The following CELF2 variants were observed in gnomAD, a reference collection of about 807,000 sequenced individuals.
CELF2 encodes the protein CUGBP Elav-like family member 2.
Under a neutral mutation model 62.6 loss-of-function variants are expected in CELF2, and 8 were observed. That is an observed-to-expected ratio of 0.13 (90% CI 0.07 to 0.23). CELF2 has a LOEUF of 0.23. CELF2 is among the 10% of genes least tolerant of loss of function. CELF2 has a pLI of 1.00. For missense variants in CELF2, 333 were observed against 671.0 expected (o/e 0.50, Z 5.56); for synonymous variants, 258 against 250.0 (o/e 1.03, Z -0.30).
chr10:10,704,630 C>T, the CELF2 span, among the ~76,000 whole-genome samples: 55 of 152,166 alleles, frequency 3.6e-4, no homozygotes, highest in Non-Finnish European at 4.3e-4. Flanking sequence ...TGGAGTCTCC[C>T]GTTTCTCTAG....
chr10:10,878,091 T>C (rs911678880), intron 1 of CELF2, among the ~76,000 whole-genome samples: 2 of 152,172 alleles, frequency 1.3e-5, no homozygotes, highest in Non-Finnish European at 2.9e-5. Flanking sequence ...AAGCTTGGGA[T>C]TGCTCGCCCG....
chr10:10,515,737 G>C, the CELF2 span, among the ~76,000 whole-genome samples: 1 of 152,334 alleles, frequency 6.6e-6, no homozygotes, highest in East Asian at 1.9e-4. Context: ...ATTGCCTCCT[G>C]TATCGCCATT....
intron 1 of CELF2, among the ~76,000 whole-genome samples, chr10:10,838,459 T>C (rs1200058743): frequency 6.6e-6 from 1 of 152,252 alleles, no homozygotes; most frequent in Non-Finnish European, 1.5e-5. Flanking sequence ...TGGGGAATTA[T>C]GCTTCACCTA....
chr10:10,871,009 C>T (rs1382551823), intron 1 of CELF2, among the ~76,000 whole-genome samples: 1 of 152,072 alleles, frequency 6.6e-6, no homozygotes, highest in Non-Finnish European at 1.5e-5. Flanking sequence ...AGAGCAACTC[C>T]CTGCTGTTGC....
At chr10:11,216,314 C>T (rs1160576377) in intron 2 of CELF2, among the ~76,000 whole-genome samples, 1 of 152,118 alleles carries the variant, frequency 6.6e-6, no homozygotes, top group African/African-American at 2.4e-5. Flanking sequence ...TTTATTTTCC[C>T]CCTGAAATGG....
chr10:11,307,653 T>C (rs1000202548), intron 9 of CELF2, among the ~76,000 whole-genome samples: 2 of 152,118 alleles, frequency 1.3e-5, no homozygotes, highest in African/African-American at 4.8e-5. Context: ...AAACAGAAGG[T>C]TGGGGAGATG....
intron 4 of CELF2, among the ~76,000 whole-genome samples, chr10:11,250,530 G>A (rs950164589): frequency 5.9e-5 from 9 of 152,234 alleles, no homozygotes; most frequent in East Asian, 1.9e-4. Flanking sequence ...AGTGAGCCAC[G>A]CCACTCCTGT....
the CELF2 span, among the ~76,000 whole-genome samples, chr10:10,508,302 C>T: frequency 0.022 from 3,393 of 152,318 alleles, 65 homozygotes; most frequent in Non-Finnish European, 0.032. Context: ...CACTGAGTGA[C>T]TCGCAATACT....
At chr10:11,169,412 A>G (rs1413614063) in intron 2 of CELF2, among the ~76,000 whole-genome samples, 1 of 152,222 alleles carries the variant, frequency 6.6e-6, no homozygotes, top group African/African-American at 2.4e-5. Context: ...AATCTTGAAA[A>G]CAGTCTTAGG....
intron 2 of CELF2, among the ~76,000 whole-genome samples, chr10:11,186,295 G>GCTTTTTTTTTTTTTTTTTT (rs2074869797): frequency 1.1e-5 from 1 of 87,426 alleles, no homozygotes. Flanking sequence ...TGGTTTTGTT[G>GCTTTTTTTTTTTTTTTTTT]CTTTTTTTTT....
intron 1 of CELF2, among the ~76,000 whole-genome samples, chr10:11,057,023 C>T (rs1554806352): frequency 1.3e-5 from 2 of 152,096 alleles, no homozygotes; most frequent in Non-Finnish European, 2.9e-5. Flanking sequence ...AAATGAATTC[C>T]AGGTTGGTAG....
chr10:10,690,802 C>G, the CELF2 span, among the ~76,000 whole-genome samples: 1 of 152,162 alleles, frequency 6.6e-6, no homozygotes, highest in Non-Finnish European at 1.5e-5. Context: ...ATCACTTGAA[C>G]TGGGGAGGCA....
chr10:10,746,627 A>T, the CELF2 span, among the ~76,000 whole-genome samples: 2 of 152,220 alleles, frequency 1.3e-5, no homozygotes, highest in South Asian at 2.1e-4. Flanking sequence ...GACTGAACAG[A>T]AACCAACATT....
At chr10:11,069,124 T>G (rs959306333) in intron 1 of CELF2, among the ~76,000 whole-genome samples, 18 of 152,328 alleles carry the variant, frequency 1.2e-4, no homozygotes, top group Admixed American at 9.8e-4. Flanking sequence ...TGTTATTATA[T>G]TATCCTTGAG....
chr10:11,160,195 G>C (rs2065385528), intron 1 of CELF2, among the ~76,000 whole-genome samples: 1 of 152,218 alleles, frequency 6.6e-6, no homozygotes, highest in Non-Finnish European at 1.5e-5. Flanking sequence ...TAGAAATTAA[G>C]AGCCAGATGG....
intron 1 of CELF2, among the ~76,000 whole-genome samples, chr10:10,889,089 T>G (rs982968517): frequency 6.6e-6 from 1 of 152,218 alleles, no homozygotes; most frequent in Non-Finnish European, 1.5e-5. Context: ...AAACTCTTAA[T>G]GTAAAACCTT....
At chr10:10,579,145 C>T in the CELF2 span, among the ~76,000 whole-genome samples, 1 of 152,108 alleles carries the variant, frequency 6.6e-6, no homozygotes, top group African/African-American at 2.4e-5. Context: ...CAAGTAAGTG[C>T]TGTAAAGGAA....
chr10:10,621,104 C>T, the CELF2 span, among the ~76,000 whole-genome samples: 1 of 148,868 alleles, frequency 6.7e-6, no homozygotes, highest in Non-Finnish European at 1.5e-5. Flanking sequence ...ATTAGCCAGG[C>T]ATGGTGGCGG....
intron 2 of CELF2, among the ~76,000 whole-genome samples, chr10:11,172,682 A>C (rs2069328479): frequency 6.6e-6 from 1 of 152,184 alleles, no homozygotes; most frequent in Non-Finnish European, 1.5e-5. Flanking sequence ...CTCTGGAGAG[A>C]AAAGGAGGAA....
Sources: allele counts gnomAD v4.1 joint callset (sites outside exome capture counted in the v4.1 genomes callset), GRCh38; gene constraint gnomAD v4.1.1; transcripts MANE v1.5; gene names NCBI Gene and HGNC (gene_info 2026-07-23, HGNC 2026-07-21).